Variants in NDUFAF6 observed in about 807,000 individuals in gnomAD.
The protein encoded by NDUFAF6 is NADH dehydrogenase (ubiquinone) complex I, assembly factor 6.
In NDUFAF6, 45 loss-of-function variants were observed where a neutral mutation model predicts 40.8. The observed-to-expected ratio is 1.10, with a 90% CI of 0.87 to 1.42. The LOEUF (loss-of-function observed/expected upper bound fraction) is 1.42, where lower values mean the gene tolerates loss of function less well. NDUFAF6 is among the 40% of genes most tolerant of loss of function. NDUFAF6 has a pLI of 0.00. For missense variants in NDUFAF6, 435 were observed against 418.5 expected (o/e 1.04, Z -0.34); for synonymous variants, 185 against 155.9 (o/e 1.19, Z -1.39).
At chr8:95,070,890 C>T (rs1399232332) in intron 9 of NDUFAF6, among the ~76,000 whole-genome samples, 2 of 152,102 alleles carry the variant, frequency 1.3e-5, no homozygotes, top group Non-Finnish European at 2.9e-5. Context: ...CTATTCCCCT[C>T]CCCTCCCCGA....
chr8:94,935,841 G>A (rs1820926616), intron 1 of NDUFAF6, among the ~76,000 whole-genome samples: 1 of 152,208 alleles, frequency 6.6e-6, no homozygotes, highest in African/African-American at 2.4e-5. Context: ...AATGTTTTAT[G>A]AGAATGGATA....
chr8:94,935,098 G>GGTAA (rs1343709945), intron 1 of NDUFAF6, among the ~76,000 whole-genome samples: 1 of 149,446 alleles, frequency 6.7e-6, no homozygotes, highest in Admixed American at 6.7e-5. Context: ...ACGGTAGGTA[G>GGTAA]GTAGGTAGGT....
chr8:95,084,072 T>C (rs1808964507), intron 2 of NDUFAF6, among the ~76,000 whole-genome samples: 2 of 152,314 alleles, frequency 1.3e-5, no homozygotes, highest in African/African-American at 4.8e-5. Context: ...GTTTGATAAA[T>C]CAATCTGGTA....
chr8:95,086,993 G>A (rs1485505571), intron 2 of NDUFAF6, among the ~76,000 whole-genome samples: 1 of 152,132 alleles, frequency 6.6e-6, no homozygotes, highest in Admixed American at 6.5e-5. Flanking sequence ...TCATCTGAGG[G>A]AGGGGCAAGC....
chr8:95,094,748 CTTCTTT>C (rs1457733717), intron 2 of NDUFAF6, among the ~76,000 whole-genome samples: 1 of 74,220 alleles, frequency 1.3e-5, no homozygotes, highest in African/African-American at 6.8e-5. Flanking sequence ...TCTTCTTCTT[CTTCTTT>C]TTTTTTTTTT....
chr8:95,028,711 G>A (rs1328570005), intron 1 of NDUFAF6, among the ~76,000 whole-genome samples: 2 of 152,142 alleles, frequency 1.3e-5, no homozygotes, highest in African/African-American at 4.8e-5. Flanking sequence ...GAAATAGACA[G>A]GAGTGATTGG....
intron 1 of NDUFAF6, among the ~76,000 whole-genome samples, chr8:94,917,123 A>G (rs1819192006): frequency 6.6e-6 from 1 of 151,802 alleles, no homozygotes; most frequent in African/African-American, 2.4e-5. Context: ...AAAAAAAAAA[A>G]AAAAAGAAAG....
At chr8:94,955,069 C>T (rs1048245101), upstream of NDUFAF6, among the ~76,000 whole-genome samples, 1 of 152,158 alleles carries the variant, frequency 6.6e-6, no homozygotes, top group African/African-American at 2.4e-5. Flanking sequence ...TTCTAAGTGC[C>T]TCAGTTTCCT....
At position 95,025,041 on chromosome 8, in the gene NDUFAF6, G is replaced by T. The variant is rs1274895136; in HGVS notation, c.33G>T (p.Gly11=). 1.4e-6 allele frequency: 2 copies of T among 1,416,488 alleles called. No homozygotes were observed. The highest frequency in any genetic ancestry group is 9.1e-7 in the Non-Finnish European group (1 of 1,097,736). The allele number at this position is 1,416,488 out of a possible 1,614,324, so 87.7% of individuals were successfully genotyped here. A position where few individuals can be genotyped will look rare whatever the true frequency, so the allele number is the denominator to read the frequency against. The part of the protein sequence containing the change: MAASAHGSVW[G]PLRLGIPGLC... ...CCTCCGCGCACGGCTCTGTCTGGGG[G>T]CCGTTGCGGCTTGGCATCCCCGGCC... Residue 11 remains glycine (G), a synonymous_variant, in exon 1 of 9, where the codon GGG becomes GGT. Coordinates refer to ENST00000396124, the MANE Select transcript of NDUFAF6 (RefSeq NM_152416.4).
At chr8:95,083,394 G>C (rs529267800) in intron 2 of NDUFAF6, among the ~76,000 whole-genome samples, 1 of 152,318 alleles carries the variant, frequency 6.6e-6, no homozygotes, top group South Asian at 2.1e-4. Flanking sequence ...GACCGCATCT[G>C]TTTAATTCTT....
At chr8:94,912,718 C>T (rs566602143) in intron 1 of NDUFAF6, among the ~76,000 whole-genome samples, 2 of 151,392 alleles carry the variant, frequency 1.3e-5, no homozygotes, top group Non-Finnish European at 2.9e-5. Flanking sequence ...GAGGCTGAGG[C>T]AGGAGAATGG....
chr8:94,914,298 T>C (rs1283331904), intron 1 of NDUFAF6, among the ~76,000 whole-genome samples: 2 of 152,168 alleles, frequency 1.3e-5, no homozygotes. Context: ...GTTTCAAACA[T>C]CGCTGTAAGC....
intron 2 of NDUFAF6, among the ~76,000 whole-genome samples, chr8:94,988,036 G>T (rs1345258348): frequency 6.6e-6 from 1 of 152,204 alleles, no homozygotes; most frequent in African/African-American, 2.4e-5. Flanking sequence ...TGTGGGTTCT[G>T]GAGCCTATGC....
downstream of NDUFAF6, among the ~76,000 whole-genome samples, chr8:95,063,365 C>T (rs1176560872): frequency 1.3e-5 from 2 of 152,130 alleles, no homozygotes; most frequent in Non-Finnish European, 2.9e-5. Context: ...CTTTGGGAGC[C>T]CGAGGTGGGT....
At chr8:95,055,081 A>T (rs908268959) in intron 8 of NDUFAF6, 5 of 152,184 alleles carry the variant, frequency 3.3e-5, no homozygotes, top group Non-Finnish European at 7.3e-5. Context: ...AAAAATACCC[A>T]CTTGAGCTCT....
At chr8:94,942,550 C>T (rs900807699) in intron 1 of NDUFAF6, among the ~76,000 whole-genome samples, 11 of 152,186 alleles carry the variant, frequency 7.2e-5, no homozygotes, top group African/African-American at 2.4e-4. Flanking sequence ...CAAAATACTT[C>T]GAATAAAGTC....
intron 2 of NDUFAF6, among the ~76,000 whole-genome samples, chr8:95,092,578 C>CTTTT (rs528845192): frequency 6.4e-5 from 5 of 77,818 alleles, no homozygotes; most frequent in Non-Finnish European, 8.8e-5. Context: ...CTCACGAAGC[C>CTTTT]TTTTTTTTTT....
At position 94,962,886 on chromosome 8, in the gene NDUFAF6, G is replaced by A. The variant is rs535353214; in HGVS notation, c.-199+4707G>A. On this transcript the variant is annotated intron_variant, in intron 1 of 9. Transcript: ENST00000396111. The stretch of plus-strand genomic sequence containing the variant: ...GCTCACTGCAACCTTAGCTTCCTGG[G>A]TTCAAGTGATTCTCCTGCCTCAGCC... Among the ~76,000 whole-genome samples the A allele has an allele frequency of 2.1e-3, 325 of 151,616 alleles. 5 individuals carry two copies. In the South Asian group the frequency reaches 0.037, roughly 17 times the overall value.
chr8:95,041,166 A>G (rs1749914804), intron 3 of NDUFAF6, among the ~76,000 whole-genome samples: 2 of 152,202 alleles, frequency 1.3e-5, no homozygotes, highest in South Asian at 4.1e-4. Flanking sequence ...CAGGAAGATA[A>G]TTTGAACACA....
Sources: gnomAD v4.1 joint callset for allele counts (sites outside exome capture counted in the v4.1 genomes callset) on GRCh38, gnomAD v4.1.1 for gene constraint, MANE v1.5 for transcripts, NCBI Gene and HGNC (gene_info 2026-07-23, HGNC 2026-07-21) for gene names.